Variants in CADPS observed in about 807,000 individuals in gnomAD.
CADPS encodes the protein calcium-dependent secretion activator 1.
In CADPS, 57 loss-of-function variants were observed where a neutral mutation model predicts 167.3. The ratio of observed to expected loss-of-function variants is 0.34; its 90% confidence interval spans 0.28 to 0.42. CADPS has a LOEUF of 0.42. Ranked by LOEUF, CADPS falls within the 20% of genes least tolerant of loss-of-function variation. The pLI is 1.00. For missense variants in CADPS, 1,414 were observed against 1,738.1 expected (o/e 0.81, Z 3.32); for synonymous variants, 676 against 635.3 (o/e 1.06, Z -0.96).
At chr3:62,586,629 G>C (rs1337263215) in intron 7 of CADPS, among the ~76,000 whole-genome samples, 1 of 152,022 alleles carries the variant, frequency 6.6e-6, no homozygotes, top group Non-Finnish European at 1.5e-5. Context: ...ATACATTCTT[G>C]CTAACCACAA....
chr3:62,614,145 A>T (rs530851126), intron 6 of CADPS, among the ~76,000 whole-genome samples: 8 of 152,302 alleles, frequency 5.3e-5, no homozygotes, highest in African/African-American at 1.9e-4. Flanking sequence ...AGCACTTACT[A>T]TGGGCCAGGC....
At chr3:62,425,446 G>A (rs373619257) in intron 28 of CADPS, among the ~76,000 whole-genome samples, 4 of 152,044 alleles carry the variant, frequency 2.6e-5, no homozygotes, top group South Asian at 2.1e-4. Flanking sequence ...TTAAACTCTC[G>A]GAACTTATTT....
chr3:62,669,034 A>G (rs1292705880), intron 3 of CADPS, among the ~76,000 whole-genome samples: 1 of 152,184 alleles, frequency 6.6e-6, no homozygotes, highest in Admixed American at 6.5e-5. Context: ...GCTGGCCTAT[A>G]ATCAGTCTCT....
chr3:62,581,649 C>G (rs1187692004), intron 8 of CADPS, among the ~76,000 whole-genome samples: 1 of 151,968 alleles, frequency 6.6e-6, no homozygotes, highest in Non-Finnish European at 1.5e-5. Context: ...CCTTTGCACT[C>G]CAGTCTGGGT....
intron 3 of CADPS, among the ~76,000 whole-genome samples, chr3:62,752,466 TC>T (rs2082916919): frequency 6.6e-6 from 1 of 152,212 alleles, no homozygotes; most frequent in African/African-American, 2.4e-5. Flanking sequence ...AGGTGATATA[TC>T]ATAGTTGATA....
Position 62,512,762 on chromosome 3 carries a change from T to G in CADPS, c.2588A>C (p.Gln863Pro). 6.2e-7 allele frequency: 1 copy of G among 1,604,984 alleles called. No homozygotes were observed. The highest frequency in any genetic ancestry group is 8.5e-7 in the Non-Finnish European group (1 of 1,173,670). Residue 863 changes from glutamine to proline, a missense_variant, in exon 17 of 30, where the codon CAA (glutamine) becomes CCA (proline). Gln to Pro is a moderately conservative substitution (Grantham distance 76). This residue lies in a region of CADPS where 529 missense variants were observed against 629.6 expected (regional missense o/e 0.84). Coordinates refer to ENST00000383710, the MANE Select transcript of CADPS (RefSeq NM_003716.4). ...TACAATTGGTTCACCTGCATCCTTT[T>G]GATTCTCTATTTGAAAGAGAGAGCA... Reference protein sequence around the residue: ...LSEYAKIEENQKDAENVGRLI... With the variant: ...LSEYAKIEENPKDAENVGRLI...
intron 1 of CADPS, among the ~76,000 whole-genome samples, chr3:62,789,380 C>A (rs1221636721): frequency 6.6e-6 from 1 of 152,148 alleles, no homozygotes; most frequent in Non-Finnish European, 1.5e-5. Flanking sequence ...TTAATAAACC[C>A]ATTATATAGT....
At chr3:62,850,315 G>C (rs1398352126) in intron 1 of CADPS, among the ~76,000 whole-genome samples, 1 of 74,618 alleles carries the variant, frequency 1.3e-5, no homozygotes, top group East Asian at 3.2e-4. Context: ...CCTTCTGCTA[G>C]CTTTTGAATG....
chr3:62,634,905 A>T (rs1198290881), intron 6 of CADPS, among the ~76,000 whole-genome samples: 1 of 152,166 alleles, frequency 6.6e-6, no homozygotes, highest in Non-Finnish European at 1.5e-5. Context: ...GAGATGAAGG[A>T]AGGGCTGACC....
chr3:62,403,264 A>C, intron 28 of CADPS, 79 bp from the exon 29 acceptor site: 1 of 903,998 alleles, frequency 1.1e-6, no homozygotes. Flanking sequence ...GCAATGTTTG[A>C]GTACCCCACT....
intron 1 of CADPS, among the ~76,000 whole-genome samples, chr3:62,853,368 T>C (rs1038945962): frequency 3.3e-5 from 5 of 152,012 alleles, no homozygotes; most frequent in African/African-American, 1.2e-4. Context: ...CTCACACCTG[T>C]AATCCCAGCA....
At chr3:62,620,090 T>C (rs2062934555) in intron 6 of CADPS, among the ~76,000 whole-genome samples, 1 of 152,072 alleles carries the variant, frequency 6.6e-6, no homozygotes, top group Non-Finnish European at 1.5e-5. Flanking sequence ...TTTTTTTAAC[T>C]CTTGGGAAAC....
intron 1 of CADPS, among the ~76,000 whole-genome samples, chr3:62,782,735 T>A (rs1450120413): frequency 6.6e-6 from 1 of 151,740 alleles, no homozygotes; most frequent in Non-Finnish European, 1.5e-5. Flanking sequence ...ATTTTAGGAG[T>A]TTTGCATATA....
At chr3:62,536,954 A>T (rs2074803673) in intron 11 of CADPS, among the ~76,000 whole-genome samples, 1 of 152,148 alleles carries the variant, frequency 6.6e-6, no homozygotes, top group Non-Finnish European at 1.5e-5. Context: ...GGTTTTTAAT[A>T]GATTCTGCCA....
At chr3:62,560,491 G>C (rs2078954913) in intron 9 of CADPS, among the ~76,000 whole-genome samples, 1 of 152,218 alleles carries the variant, frequency 6.6e-6, no homozygotes, top group African/African-American at 2.4e-5. Flanking sequence ...TTGTCAGACA[G>C]CCTGGCCTAC....
chr3:62,445,712 GA>G (rs369250660), intron 27 of CADPS, 52 bp downstream of exon 27: 25,690 of 860,816 alleles, frequency 0.03, 131 homozygotes, highest in African/African-American at 0.12. Flanking sequence ...AAGTAAAAAT[GA>G]AAAAAAAAAA....
intron 29 of CADPS, among the ~76,000 whole-genome samples, chr3:62,400,702 C>T (rs899852842): frequency 2.0e-5 from 3 of 150,344 alleles, no homozygotes; most frequent in Admixed American, 6.7e-5. Flanking sequence ...TGGGTTCAAA[C>T]GATTCTCCTG....
At chr3:62,567,564 CTTTTTTTTT>C (rs10561022) in intron 9 of CADPS, among the ~76,000 whole-genome samples, 531 of 33,820 alleles carry the variant, frequency 0.016, no homozygotes, top group Admixed American at 0.024. Flanking sequence ...CTAAGCACTG[CTTTTTTTTT>C]TTTTTTTTTT....
At chr3:62,676,317 A>G (rs2076324994) in intron 3 of CADPS, among the ~76,000 whole-genome samples, 1 of 152,146 alleles carries the variant, frequency 6.6e-6, no homozygotes, top group Non-Finnish European at 1.5e-5. Context: ...TGTTCAATAT[A>G]TATTTGTTGA....
Sources: gnomAD v4.1 joint callset for allele counts (sites outside exome capture counted in the v4.1 genomes callset) on GRCh38, gnomAD v4.1.1 for gene constraint, gnomAD v4.1.1 regional missense constraint, MANE v1.5 for transcripts, NCBI Gene and HGNC (gene_info 2026-07-23, HGNC 2026-07-21) for gene names.